NDST3: variants seen among roughly 807,000 people sequenced by gnomAD.
The protein encoded by NDST3 is N-deacetylase and N-sulfotransferase 3, also known as bifunctional heparan sulfate N-deacetylase/N-sulfotransferase 3.
A neutral mutation model predicts 96.1 loss-of-function variants in NDST3; 58 were observed. That is an observed-to-expected ratio of 0.60 (90% CI 0.49 to 0.75). The LOEUF is 0.75. Among genes scored for constraint, NDST3 ranks in the 30% least tolerant of loss-of-function variants. The pLI is 0.00. For missense variants in NDST3, 788 were observed against 1,034.2 expected, an observed-to-expected ratio of 0.76 and a Z score of 3.27; for synonymous variants, 333 against 359.7, an observed-to-expected ratio of 0.93 and a Z score of 0.84.
chr4:118,254,179 A>C (rs1578881513), intron 13 of NDST3, among the ~76,000 whole-genome samples: 1 of 150,006 alleles, frequency 6.7e-6, no homozygotes, highest in Middle Eastern at 3.4e-3. Flanking sequence ...TGGGAGGTGG[A>C]GGTCACAGTG....
At chr4:118,177,041 C>G (rs1171269338) in intron 6 of NDST3, among the ~76,000 whole-genome samples, 1 of 151,776 alleles carries the variant, frequency 6.6e-6, no homozygotes, top group African/African-American at 2.4e-5. Context: ...AAGAGGAAAG[C>G]CATAAGACAG....
At chr4:118,176,724 T>C (rs1325886339) in intron 6 of NDST3, among the ~76,000 whole-genome samples, 4 of 152,076 alleles carry the variant, frequency 2.6e-5, no homozygotes, top group South Asian at 2.1e-4. Flanking sequence ...ACTACACTAA[T>C]TGATAGAACA....
At chr4:118,108,583 C>A (rs1730393247) in intron 3 of NDST3, among the ~76,000 whole-genome samples, 1 of 152,022 alleles carries the variant, frequency 6.6e-6, no homozygotes, top group Non-Finnish European at 1.5e-5. Flanking sequence ...TGCACATAAA[C>A]AACATAAATA....
chr4:118,065,689 T>C (rs1445263722), intron 2 of NDST3, among the ~76,000 whole-genome samples: 1 of 152,018 alleles, frequency 6.6e-6, no homozygotes, highest in Non-Finnish European at 1.5e-5. Context: ...TTTATGTTTC[T>C]GCATCCACCT....
chr4:118,057,936 G>T (rs942268526), intron 2 of NDST3, among the ~76,000 whole-genome samples: 1 of 151,996 alleles, frequency 6.6e-6, no homozygotes, highest in African/African-American at 2.4e-5. Context: ...TTGCTAAAAC[G>T]TAGAGTCCAA....
intron 2 of NDST3, among the ~76,000 whole-genome samples, chr4:118,073,785 GCTA>G (rs1157545743): frequency 6.6e-6 from 1 of 151,670 alleles, no homozygotes; most frequent in Non-Finnish European, 1.5e-5. Flanking sequence ...CTTGTCTTCT[GCTA>G]CTTTTGCAGT....
intron 5 of NDST3, among the ~76,000 whole-genome samples, chr4:118,139,209 C>T (rs1431419575): frequency 1.3e-5 from 2 of 152,178 alleles, no homozygotes; most frequent in African/African-American, 2.4e-5. Context: ...ATCTGCCCTT[C>T]CTCTGTACTG....
intron 9 of NDST3, 109 bp from the exon 10 acceptor site, chr4:118,236,937 A>G (rs1217993921): frequency 1.3e-6 from 1 of 767,486 alleles, no homozygotes; most frequent in Non-Finnish European, 1.9e-6. Flanking sequence ...GTAAAGAAAA[A>G]GCCTTTTATT....
At chr4:118,108,177 C>T (rs2125855613) in intron 3 of NDST3, among the ~76,000 whole-genome samples, 1 of 152,252 alleles carries the variant, frequency 6.6e-6, no homozygotes, top group South Asian at 2.1e-4. Flanking sequence ...CCAACCAGCC[C>T]CAGCCTTGAC....
intron 2 of NDST3, among the ~76,000 whole-genome samples, chr4:118,092,932 G>A (rs1728996538): frequency 6.6e-6 from 1 of 151,810 alleles, no homozygotes; most frequent in African/African-American, 2.4e-5. Flanking sequence ...GGATGTCCAG[G>A]AAAAGCCTGT....
At chr4:118,169,114 TA>T (rs1439586364) in intron 6 of NDST3, among the ~76,000 whole-genome samples, 9 of 150,258 alleles carry the variant, frequency 6.0e-5, no homozygotes, top group Non-Finnish European at 1.3e-4. Context: ...TATATTGTTG[TA>T]TTTTTTTACC....
intron 6 of NDST3, among the ~76,000 whole-genome samples, chr4:118,198,607 G>A (rs184423997): frequency 2.1e-4 from 32 of 152,128 alleles, no homozygotes; most frequent in Admixed American, 7.2e-4. Flanking sequence ...CATTTACAGT[G>A]CTATAATATT....
At position 118,114,937 on chromosome 4, in the gene NDST3, A is replaced by AT; in HGVS notation, c.1203dup (p.Leu402SerfsTer35). On this transcript the variant is annotated frameshift_variant, in exon 4 of 14. Transcript: ENST00000296499. LOFTEE classifies it high-confidence loss of function. Reference sequence around the variant, plus strand: ...TGAGTCATCTTTGGTGGAGCAGATGATTCTCAACAAAAAATTTGCCTTAGT... The same window carrying AT: ...TGAGTCATCTTTGGTGGAGCAGATGATTTCTCAACAAAAAATTTGCCTTAGT... 1 of 1,614,098 alleles carries AT rather than the reference A, an allele frequency of 6.2e-7. No homozygotes were observed.
chr4:118,054,900 C>G lies in NDST3; in HGVS notation c.981+9C>G. 1 of 1,606,406 alleles carries G rather than the reference C, an allele frequency of 6.2e-7. No individual in the cohort carries two copies. ...ACACCAATGATGTAAAGGTAAGGCT[C>G]TATTTTCTCAAGTTTCAAAGTTCAG... On this transcript the variant is annotated intron_variant, in intron 2 of 13. Transcript: ENST00000296499.
intron 9 of NDST3, 67 bp from the exon 10 acceptor site, chr4:118,236,979 A>T: frequency 1.6e-6 from 2 of 1,225,258 alleles, no homozygotes; most frequent in African/African-American, 1.5e-5. Flanking sequence ...GGACACTTTT[A>T]ACATCTTTGG....
chr4:118,036,191 C>T (rs924567669), intron 1 of NDST3, among the ~76,000 whole-genome samples: 1 of 151,960 alleles, frequency 6.6e-6, no homozygotes, highest in African/African-American at 2.4e-5. Flanking sequence ...AAAGAAATTA[C>T]AATTTTTTTT....
intron 2 of NDST3, among the ~76,000 whole-genome samples, chr4:118,072,794 T>C (rs1278568078): frequency 6.6e-6 from 1 of 152,110 alleles, no homozygotes; most frequent in South Asian, 2.1e-4. Context: ...GTGGGCATCC[T>C]TGTTTTGTTC....
intron 6 of NDST3, among the ~76,000 whole-genome samples, chr4:118,186,035 A>G (rs1188315788): frequency 6.6e-6 from 1 of 152,170 alleles, no homozygotes; most frequent in Non-Finnish European, 1.5e-5. Flanking sequence ...TAAAGTAGAA[A>G]CAAGCACTTC....
chr4:118,237,316 A>G (rs1045350039), intron 10 of NDST3, 96 bp downstream of exon 10: 53 of 1,014,110 alleles, frequency 5.2e-5, no homozygotes, highest in Non-Finnish European at 6.7e-5. Context: ...GTTTTCACAA[A>G]AGAGATTTGC....
Sources: gnomAD v4.1 joint callset for allele counts (sites outside exome capture counted in the v4.1 genomes callset) on GRCh38, gnomAD v4.1.1 for gene constraint, MANE v1.5 for transcripts, NCBI Gene and HGNC (gene_info 2026-07-23, HGNC 2026-07-21) for gene names.